PKP2: variants seen among roughly 807,000 people sequenced by gnomAD.
PKP2 encodes plakophilin 2.
In PKP2, 73 loss-of-function variants were observed where a neutral mutation model predicts 83.4. The observed-to-expected ratio is 0.88, with a 90% CI of 0.72 to 1.06. PKP2 has a LOEUF of 1.06. PKP2 is among the 50% of genes least tolerant of loss of function. The probability of loss-of-function intolerance (pLI) is 0.00; values close to 1 mark genes in which losing one functional copy is unlikely to be tolerated. For synonymous variants in PKP2, 409 were observed against 430.4 expected (o/e 0.95, Z 0.62); for missense variants, 966 against 1,065.4 (o/e 0.91, Z 1.30).
chr12:32,884,522 C>T (rs1249136734), intron 1 of PKP2, among the ~76,000 whole-genome samples: 1 of 152,178 alleles, frequency 6.6e-6, no homozygotes, highest in Non-Finnish European at 1.5e-5. Flanking sequence ...TCCCATGCCA[C>T]ATAAAACTTA....
intron 6 of PKP2, among the ~76,000 whole-genome samples, chr12:32,829,572 C>A (rs1956479227): frequency 6.6e-6 from 1 of 151,888 alleles, no homozygotes; most frequent in African/African-American, 2.4e-5. Context: ...ACTATTGCTA[C>A]TTGATAATGG....
chr12:32,841,085 G>A lies in PKP2; in HGVS notation c.1499C>T (p.Pro500Leu). 6.2e-7 allele frequency: 1 copy of A among 1,613,826 alleles called. No individual in the cohort carries two copies. Among genetic ancestry groups the A allele is most frequent in the Admixed American group, 1.7e-5 (1 of 60,004 alleles). ...PFSGWPEGDYPKANGLLDFDI... is the reference protein window; with the variant it reads ...PFSGWPEGDYLKANGLLDFDI... ...AAAATCGAGCAAACCATTTGCTTTT[G>A]GGTAGTCTCCTTCAGGCCACCCAGA... The change falls in exon 6 of 13, where the codon CCA becomes CTA. Residue 500 changes from proline to leucine, a missense_variant. Pro to Leu is a moderately conservative substitution (Grantham distance 98). Coordinates refer to ENST00000340811, the MANE Select transcript of PKP2 (RefSeq NM_001005242.3).
At chr12:32,793,612 G>GTTTTTTTTT (rs1565571416) in intron 11 of PKP2, among the ~76,000 whole-genome samples, 21 of 94,292 alleles carry the variant, frequency 2.2e-4, no homozygotes, top group East Asian at 1.9e-3. Flanking sequence ...TTCATATTCT[G>GTTTTTTTTT]CTTTTTTTTT....
At chr12:32,827,116 T>C (rs189287820) in intron 6 of PKP2, among the ~76,000 whole-genome samples, 15 of 152,360 alleles carry the variant, frequency 9.8e-5, no homozygotes, top group Admixed American at 9.8e-4. Context: ...ACTACATACC[T>C]TGCAGATGGA....
chr12:32,891,511 TAAATG>T (rs1255755041), intron 1 of PKP2, among the ~76,000 whole-genome samples: 11 of 152,302 alleles, frequency 7.2e-5, no homozygotes, highest in African/African-American at 2.6e-4. Context: ...CTTATTTTAA[TAAATG>T]AGAAAAAACT....
intron 4 of PKP2, among the ~76,000 whole-genome samples, chr12:32,854,914 C>A (rs183883657): frequency 2.6e-4 from 40 of 152,326 alleles, no homozygotes; most frequent in African/African-American, 8.4e-4. Context: ...CTTCCTCCTC[C>A]TGTCTGGAAG....
chr12:32,838,179 C>G (rs1008303176), intron 6 of PKP2, among the ~76,000 whole-genome samples: 1 of 152,136 alleles, frequency 6.6e-6, no homozygotes, highest in African/African-American at 2.4e-5. Context: ...TTGGCAGCAA[C>G]ATGGATGCAG....
rs2137772710 is a variant in PKP2 at position 32,821,362 on chromosome 12, A to G, written c.2007T>C (p.Ser669=). The change falls in exon 9 of 13, where the codon AGT becomes AGC. Residue 669 remains serine (S), a synonymous_variant. Coordinates refer to ENST00000340811, the MANE Select transcript of PKP2 (RefSeq NM_001005242.3). ...AATCAGGCCCAATACTCACTGGTCC[A>G]CTTCCGGCCGTGAGGTTCTGCAGAG... is the stretch of plus-strand genomic sequence containing the variant. ...LGALQNLTAG[S]GPMPTSVAQT... 8.7e-6 allele frequency: 14 copies of G among 1,614,098 alleles called. No individual in the cohort carries two copies. Among genetic ancestry groups the G allele is most frequent in the Non-Finnish European group, 1.2e-5 (14 of 1,179,984 alleles).
Position 32,896,506 on chromosome 12 carries a change from C to A in PKP2, c.223+3G>T. ...GCGCCGGGGAGCGGCGGGCTCCACT[C>A]ACCGTTGCCCACGGAGCTGCGGCCC... On this transcript the variant is annotated splice_donor_region_variant and intron_variant, in intron 1 of 12. Coordinates refer to ENST00000340811, the MANE Select transcript of PKP2 (RefSeq NM_001005242.3). 6.6e-7 allele frequency: 1 copy of A among 1,507,782 alleles called. No individual in the cohort carries two copies. The highest frequency in any genetic ancestry group is 8.8e-7 in the Non-Finnish European group (1 of 1,130,524). 93.4% of individuals were successfully genotyped at this position (1,507,782 alleles called of 1,614,324 possible). A position where few individuals can be genotyped will look rare whatever the true frequency, so the allele number is the denominator to read the frequency against.
chr12:32,857,572 T>A (rs73303652), intron 4 of PKP2, among the ~76,000 whole-genome samples: 2,865 of 152,278 alleles, frequency 0.019, 68 homozygotes, highest in African/African-American at 0.065. Flanking sequence ...AAATTATAAT[T>A]TTCTCTTATA....
intron 9 of PKP2, among the ~76,000 whole-genome samples, chr12:32,802,953 C>T (rs1443020953): frequency 6.6e-6 from 1 of 151,930 alleles, no homozygotes; most frequent in East Asian, 1.9e-4. Flanking sequence ...ACCACCATGC[C>T]CAGCCGAAGA....
At chr12:32,841,902 G>A (rs983947922) in intron 5 of PKP2, among the ~76,000 whole-genome samples, 3 of 152,126 alleles carry the variant, frequency 2.0e-5, no homozygotes, top group Non-Finnish European at 4.4e-5. Context: ...TTCCCTATTG[G>A]CCAACTTGCA....
chr12:32,839,525 G>A (rs543464250), intron 6 of PKP2, among the ~76,000 whole-genome samples: 9 of 151,890 alleles, frequency 5.9e-5, no homozygotes, highest in African/African-American at 2.2e-4. Context: ...AAAAGAGTGA[G>A]TCCTAGGAAT....
At chr12:32,811,523 C>A (rs962491772) in intron 9 of PKP2, among the ~76,000 whole-genome samples, 1 of 152,206 alleles carries the variant, frequency 6.6e-6, no homozygotes, top group African/African-American at 2.4e-5. Flanking sequence ...TTTCTGCAAC[C>A]AGACTATTGA....
rs117425357 is a variant in PKP2, at chr12:32,792,678, C to G, written c.2411G>C (p.Trp804Ser). 22 of 1,614,034 alleles carry G rather than the reference C, an allele frequency of 1.4e-5. No individual in the cohort carries two copies. Among genetic ancestry groups the G allele is most frequent in the African/African-American group, 2.7e-5 (2 of 74,998 alleles). Residue 804 changes from tryptophan to serine, a missense_variant, in exon 12 of 13, where the codon TGG becomes TCG. Transcript: ENST00000340811. ...KAASVLLYSL[W>S]AHTELHHAYK... ...GGCATGATGCAGTTCCGTGTGTGCCCACAGAGAATACAGAAGGACGGAAGC... is the reference window on the plus strand; with the variant it reads ...GGCATGATGCAGTTCCGTGTGTGCCGACAGAGAATACAGAAGGACGGAAGC...
intron 3 of PKP2, among the ~76,000 whole-genome samples, chr12:32,873,944 A>C (rs187416647): frequency 7.8e-4 from 119 of 152,294 alleles, no homozygotes; most frequent in African/African-American, 2.8e-3. Flanking sequence ...AAATTCATCT[A>C]TAATTTTTTT....
At chr12:32,814,329 C>A (rs746785986) in intron 9 of PKP2, among the ~76,000 whole-genome samples, 1 of 152,136 alleles carries the variant, frequency 6.6e-6, no homozygotes, top group African/African-American at 2.4e-5. Context: ...CCTAGACTTC[C>A]CCACAGTCCC....
At chr12:32,875,030 T>C (rs1956921006) in intron 3 of PKP2, among the ~76,000 whole-genome samples, 1 of 152,200 alleles carries the variant, frequency 6.6e-6, no homozygotes, top group Non-Finnish European at 1.5e-5. Flanking sequence ...ATTACAGATG[T>C]GAGCCACTGT....
intron 4 of PKP2, among the ~76,000 whole-genome samples, chr12:32,866,840 C>T (rs1161081711): frequency 6.6e-6 from 1 of 152,168 alleles, no homozygotes; most frequent in Non-Finnish European, 1.5e-5. Context: ...GAAATAAAAG[C>T]ACATGTCTAC....
Sources: allele counts gnomAD v4.1 joint callset (sites outside exome capture counted in the v4.1 genomes callset), GRCh38; gene constraint gnomAD v4.1.1; transcripts MANE v1.5; gene names NCBI Gene and HGNC (gene_info 2026-07-23, HGNC 2026-07-21).